SORCS1: variants seen among roughly 807,000 people sequenced by gnomAD.
The protein encoded by SORCS1 is sortilin related VPS10 domain containing receptor 1.
In SORCS1, 60 loss-of-function variants were observed where a neutral mutation model predicts 146.1. That is an observed-to-expected ratio of 0.41 (90% CI 0.33 to 0.51). The LOEUF (loss-of-function observed/expected upper bound fraction) is 0.51, where lower values mean the gene tolerates loss of function less well. Among genes scored for constraint, SORCS1 ranks in the 20% least tolerant of loss-of-function variants. The pLI, the probability that SORCS1 is intolerant of heterozygous loss-of-function variation, is 0.21. For missense variants in SORCS1, 1,352 were observed against 1,487.6 expected, an observed-to-expected ratio of 0.91 and a Z score of 1.50; for synonymous variants, 637 against 584.0, an observed-to-expected ratio of 1.09 and a Z score of -1.31.
At chr10:106,898,225 T>C (rs1037459431) in intron 2 of SORCS1, among the ~76,000 whole-genome samples, 2 of 152,246 alleles carry the variant, frequency 1.3e-5, no homozygotes, top group Non-Finnish European at 1.5e-5. Context: ...CTTGTCATTT[T>C]GCTCTTCAGA....
intron 5 of SORCS1, among the ~76,000 whole-genome samples, chr10:106,753,899 G>T (rs941152717): frequency 6.6e-6 from 1 of 152,136 alleles, no homozygotes; most frequent in South Asian, 2.1e-4. Context: ...ACATACCTGG[G>T]TTTAAATTTC....
chr10:106,667,607 A>G lies in SORCS1; in HGVS notation c.2303+82T>C, dbSNP rs1851262490. On this transcript the variant is annotated intron_variant, in intron 17 of 25. Transcript: ENST00000263054. ...TGTAAGGAAATATGCTTGGTCCTTGATCAGAAGTAATTCTGTCAGTATAAC... is the reference window on the plus strand; with the variant it reads ...TGTAAGGAAATATGCTTGGTCCTTGGTCAGAAGTAATTCTGTCAGTATAAC... 3.3e-6 allele frequency: 3 copies of G among 910,794 alleles called. No homozygotes were observed. In the African/African-American group the frequency reaches 4.9e-5, roughly 15 times the overall value. The allele number at this position is 910,794 out of a possible 1,614,324, so 56.4% of individuals were successfully genotyped here. A position where few individuals can be genotyped will look rare whatever the true frequency, so the allele number is the denominator to read the frequency against.
chr10:106,978,396 C>T (rs537020530), intron 1 of SORCS1, among the ~76,000 whole-genome samples: 10 of 151,950 alleles, frequency 6.6e-5, no homozygotes, highest in African/African-American at 2.2e-4. Context: ...GTATGGAAAA[C>T]GATTATAGAT....
At chr10:106,953,517 G>A (rs1954799189) in intron 2 of SORCS1, among the ~76,000 whole-genome samples, 1 of 122,598 alleles carries the variant, frequency 8.2e-6, no homozygotes, top group Admixed American at 7.8e-5. Flanking sequence ...AGGGAAGGCT[G>A]ACTATATGTA....
intron 1 of SORCS1, among the ~76,000 whole-genome samples, chr10:107,020,098 G>C (rs1958067356): frequency 6.6e-6 from 1 of 152,192 alleles, no homozygotes; most frequent in South Asian, 2.1e-4. Context: ...GTCAATTTGG[G>C]ATAAGTGCTT....
chr10:107,075,878 A>G (rs1962839930), intron 1 of SORCS1, among the ~76,000 whole-genome samples: 2 of 151,800 alleles, frequency 1.3e-5, no homozygotes, highest in South Asian at 4.1e-4. Flanking sequence ...TCAGGCAACG[A>G]TTTTCTTAGG....
intron 1 of SORCS1, among the ~76,000 whole-genome samples, chr10:106,962,422 A>G (rs1955275654): frequency 6.6e-6 from 1 of 150,580 alleles, no homozygotes; most frequent in African/African-American, 2.4e-5. Context: ...AAAAGAAAGA[A>G]AAGAAAAGAA....
chr10:106,648,004 A>T (rs1283259362), intron 18 of SORCS1, among the ~76,000 whole-genome samples: 1 of 151,932 alleles, frequency 6.6e-6, no homozygotes, highest in Non-Finnish European at 1.5e-5. Context: ...AGTAGCTGGG[A>T]CCACAGACAC....
At chr10:106,919,670 C>G (rs1952610914) in intron 2 of SORCS1, among the ~76,000 whole-genome samples, 1 of 152,174 alleles carries the variant, frequency 6.6e-6, no homozygotes, top group Admixed American at 6.5e-5. Flanking sequence ...CATGAAACTA[C>G]TCAAAAGCAT....
At chr10:106,786,622 G>C (rs1286434702) in intron 3 of SORCS1, among the ~76,000 whole-genome samples, 1 of 151,922 alleles carries the variant, frequency 6.6e-6, no homozygotes, top group Non-Finnish European at 1.5e-5. Flanking sequence ...GACTTAATGG[G>C]AGGAAAAAAA....
chr10:106,596,788 T>G (rs1441950508), intron 24 of SORCS1, among the ~76,000 whole-genome samples: 1 of 152,236 alleles, frequency 6.6e-6, no homozygotes, highest in Non-Finnish European at 1.5e-5. Context: ...TCAGGATTTC[T>G]GATGAGATAA....
chr10:106,989,266 C>T (rs1364844818), intron 1 of SORCS1, among the ~76,000 whole-genome samples: 2 of 89,850 alleles, frequency 2.2e-5, no homozygotes, highest in African/African-American at 4.1e-5. Context: ...AAAGGCTCCA[C>T]CTCAGAAAAA....
chr10:106,792,653 T>A (rs1027574810), intron 3 of SORCS1, among the ~76,000 whole-genome samples: 1 of 152,242 alleles, frequency 6.6e-6, no homozygotes, highest in African/African-American at 2.4e-5. Flanking sequence ...CAGGTCTTCG[T>A]AAGCACGGGC....
chr10:106,722,009 C>CA (rs1224302778), intron 6 of SORCS1, among the ~76,000 whole-genome samples: 7 of 151,678 alleles, frequency 4.6e-5, no homozygotes, highest in African/African-American at 1.7e-4. Flanking sequence ...ACTAAATTTG[C>CA]CACAACAATT....
At chr10:107,010,532 C>A (rs915633678) in intron 1 of SORCS1, among the ~76,000 whole-genome samples, 1 of 152,164 alleles carries the variant, frequency 6.6e-6, no homozygotes, top group Non-Finnish European at 1.5e-5. Context: ...ATCCATCACT[C>A]AGTTCATCTC....
At chr10:106,792,299 A>G (rs1946354918) in intron 3 of SORCS1, among the ~76,000 whole-genome samples, 1 of 152,254 alleles carries the variant, frequency 6.6e-6, no homozygotes, top group African/African-American at 2.4e-5. Flanking sequence ...TTTTTGTACT[A>G]TGTCATCAAT....
chr10:107,115,579 C>T (rs1486742248), intron 1 of SORCS1, among the ~76,000 whole-genome samples: 1 of 151,948 alleles, frequency 6.6e-6, no homozygotes, highest in East Asian at 1.9e-4. Context: ...TTTACTTAAA[C>T]CATATATAAA....
At chr10:107,063,065 C>A (rs181405023) in intron 1 of SORCS1, among the ~76,000 whole-genome samples, 2 of 152,210 alleles carry the variant, frequency 1.3e-5, no homozygotes, top group East Asian at 3.9e-4. Context: ...CTGTGAGACA[C>A]CACAAAGTTA....
chr10:106,762,887 G>T (rs1461256542), intron 4 of SORCS1, among the ~76,000 whole-genome samples: 1 of 152,008 alleles, frequency 6.6e-6, no homozygotes, highest in Non-Finnish European at 1.5e-5. Flanking sequence ...CCTGCTTCTT[G>T]CTCTCAGCAT....
Sources: allele counts gnomAD v4.1 joint callset (sites outside exome capture counted in the v4.1 genomes callset), GRCh38; gene constraint gnomAD v4.1.1; transcripts MANE v1.5; gene names NCBI Gene and HGNC (gene_info 2026-07-23, HGNC 2026-07-21).